HYDIN: variants seen among roughly 807,000 people sequenced by gnomAD.
The protein encoded by HYDIN is axonemal central pair apparatus protein HYDIN.
Under a neutral mutation model 403.9 loss-of-function variants are expected in HYDIN, and 132 were observed. The observed-to-expected ratio is 0.33, with a 90% confidence interval of 0.28 to 0.38. The LOEUF is 0.38. Ranked by LOEUF, HYDIN falls within the 10% of genes least tolerant of loss-of-function variation. The pLI is 1.00. For missense variants in HYDIN, 2,827 were observed against 5,009.5 expected, an observed-to-expected ratio of 0.56 and a Z score of 13.15; for synonymous variants, 1,202 against 1,891.7, an observed-to-expected ratio of 0.64 and a Z score of 9.46.
chr16:71,198,946 T>A (rs768277843), intron 1 of HYDIN, among the ~76,000 whole-genome samples: 2 of 152,214 alleles, frequency 1.3e-5, no homozygotes, highest in Non-Finnish European at 2.9e-5. Flanking sequence ...TATACTCCCA[T>A]CAGCAGTATA....
intron 50 of HYDIN, 138 bp downstream of exon 50, chr16:70,907,234 G>T: frequency 1.7e-6 from 1 of 587,062 alleles, no homozygotes. Flanking sequence ...CAAGAACCCA[G>T]TTCTCCTGAT....
At chr16:70,844,683 AT>A (rs2038076863) in intron 75 of HYDIN, among the ~76,000 whole-genome samples, 1 of 140,440 alleles carries the variant, frequency 7.1e-6, no homozygotes, top group African/African-American at 2.7e-5. Flanking sequence ...TGAGCATGGA[AT>A]GTTCTTCCAT....
intron 45 of HYDIN, among the ~76,000 whole-genome samples, chr16:70,926,895 A>G (rs2077170071): frequency 6.6e-6 from 1 of 152,256 alleles, no homozygotes; most frequent in Non-Finnish European, 1.5e-5. Flanking sequence ...TCACTGAAAA[A>G]AAGACAGCGA....
rs143698316 is a variant in HYDIN at position 71,069,182 on chromosome 16, C to G, written c.1974+85G>C. On this transcript the variant is annotated intron_variant, in intron 14 of 85. Coordinates refer to ENST00000393567, the MANE Select transcript of HYDIN (RefSeq NM_001270974.2). ...CCCCCTCCTGCTGACACTGGACATG[C>G]TAGAGCAAACCCTAGATGAGGGCCC... The G allele has an allele frequency of 7.1e-3, 10,447 of 1,470,696 alleles. 57 individuals carry two copies. Among genetic ancestry groups the G allele is most frequent in the Non-Finnish European group, 8.5e-3 (9,172 of 1,075,550 alleles). 91.1% of individuals were successfully genotyped at this position (1,470,696 alleles called of 1,614,324 possible). A position where few individuals can be genotyped will look rare whatever the true frequency, so the allele number is the denominator to read the frequency against.
chr16:71,002,625 T>TA (rs1343471675), intron 23 of HYDIN, among the ~76,000 whole-genome samples: 18 of 151,478 alleles, frequency 1.2e-4, no homozygotes, highest in Admixed American at 3.9e-4. Context: ...TTCTTCAAAT[T>TA]AAAAAAACTG....
chr16:70,971,070 G>A (rs2078718664), intron 35 of HYDIN, among the ~76,000 whole-genome samples: 1 of 152,162 alleles, frequency 6.6e-6, no homozygotes. Context: ...ATCTTCCAGT[G>A]TGCTCAGACT....
In HYDIN at chr16:70,829,629, G is replaced by A. The variant is rs536900163; in HGVS notation, c.14101C>T (p.Arg4701Cys). 25 of 1,612,830 alleles carry A rather than the reference G, an allele frequency of 1.6e-5. No individual in the cohort carries two copies. Among genetic ancestry groups the A allele is most frequent in the Admixed American group, 6.7e-5 (4 of 59,988 alleles). ...YRPRTMNLEN[R>C]KHQGTLFFPL... ...GGACCTCAGTCTACCTGGTGCTTGC[G>A]GTTCTCCAAGTTCATGGTGCGGGGC... The change falls in exon 81 of 86, where the codon CGC becomes TGC. Residue 4701 changes from arginine (R) to cysteine (C), a missense_variant. Coordinates refer to ENST00000393567, the MANE Select transcript of HYDIN (RefSeq NM_001270974.2).
chr16:70,908,647 G>GC lies in HYDIN; in HGVS notation c.8213+5dup. On this transcript the variant is annotated splice_donor_region_variant and intron_variant, in intron 48 of 85. Transcript: ENST00000393567. ...ATTCCCCTCCCTGGGTTGCTGGAAG[G>GC]CCCACCTGGTGAATTTCTCCTGGGA... is the stretch of plus-strand genomic sequence containing the variant. 3.2e-6 allele frequency: 5 copies of GC among 1,558,384 alleles called. No homozygotes were observed. The South Asian group carries it at 5.8e-5, about 18-fold the overall frequency.
intron 46 of HYDIN, among the ~76,000 whole-genome samples, chr16:70,919,779 G>A (rs2076941852): frequency 1.4e-5 from 2 of 144,136 alleles, no homozygotes; most frequent in Admixed American, 7.0e-5. Flanking sequence ...GAACACCAGA[G>A]GCAGAGGTTG....
chr16:70,949,277 G>A (rs951775565), intron 41 of HYDIN, among the ~76,000 whole-genome samples: 5 of 133,722 alleles, frequency 3.7e-5, no homozygotes, highest in Non-Finnish European at 6.2e-5. Flanking sequence ...ATGGACACAG[G>A]AAGGGGAACA....
intron 40 of HYDIN, among the ~76,000 whole-genome samples, chr16:70,953,338 C>T (rs977868308): frequency 6.6e-6 from 1 of 152,224 alleles, no homozygotes; most frequent in Non-Finnish European, 1.5e-5. Context: ...CCAGAGCTTA[C>T]ATGGGGTCGG....
At chr16:70,956,398 A>C (rs574397521) in intron 39 of HYDIN, among the ~76,000 whole-genome samples, 1 of 152,250 alleles carries the variant, frequency 6.6e-6, no homozygotes, top group Admixed American at 6.5e-5. Context: ...TAAAAAAAGA[A>C]ATAGGTGATG....
In HYDIN at chr16:71,027,804, T is replaced by C. The variant is rs1413622199; in HGVS notation, c.2840A>G (p.Asn947Ser). The change falls in exon 20 of 86, where the codon AAT becomes AGT. Residue 947 changes from asparagine (N) to serine (S), a missense_variant. Physicochemically the swap from Asn to Ser is conservative, Grantham distance 46. Coordinates refer to ENST00000393567, the MANE Select transcript of HYDIN (RefSeq NM_001270974.2). ...GRRIQQLFWM[N>S]DSFRPQAKLS... is the part of the protein sequence containing the mutation. The stretch of plus-strand genomic sequence containing the variant: ...CTTGGCCTGGGGTCGGAAGCTATCA[T>C]TCATCCAGAACAACTGTTGGATCCG... 10 of 958,484 alleles carry C rather than the reference T, an allele frequency of 1.0e-5. No individual in the cohort carries two copies. Among genetic ancestry groups the C allele is most frequent in the Non-Finnish European group, 1.4e-5 (9 of 638,936 alleles). The allele number at this position is 958,484 out of a possible 1,614,324, so 59.4% of individuals were successfully genotyped here.
At chr16:71,121,777 T>G (rs991349317) in intron 9 of HYDIN, among the ~76,000 whole-genome samples, 1 of 149,276 alleles carries the variant, frequency 6.7e-6, no homozygotes, top group African/African-American at 2.5e-5. Context: ...GTCTAGATCC[T>G]TCCAGATCAA....
At chr16:70,815,965 A>G (rs374994240) in intron 84 of HYDIN, among the ~76,000 whole-genome samples, 43 of 148,108 alleles carry the variant, frequency 2.9e-4, no homozygotes, top group South Asian at 6.6e-4. Context: ...AAAAATTAGC[A>G]GGGCGTAGTG....
At position 70,855,329 on chromosome 16, in the gene HYDIN, C is replaced by T. The variant is rs1207004869; in HGVS notation, c.12296-54G>A. On this transcript the variant is annotated intron_variant, in intron 72 of 85. Transcript: ENST00000393567. ...GGGCCTCCTGACTGCCTGCTGGAGT[C>T]TCTCAGCAGACACCGCTTCACAGGC... The T allele has an allele frequency of 4.1e-6, 4 of 975,572 alleles. No homozygotes were observed. The African/African-American group carries it at 7.6e-5, about 18-fold the overall frequency. The allele number at this position is 975,572 out of a possible 1,614,324, so 60.4% of individuals were successfully genotyped here.
At chr16:71,190,386 C>T (rs1373854688) in intron 1 of HYDIN, among the ~76,000 whole-genome samples, 1 of 149,876 alleles carries the variant, frequency 6.7e-6, no homozygotes. Flanking sequence ...TCTTTTAAAT[C>T]TAAATTTAAA....
intron 14 of HYDIN, among the ~76,000 whole-genome samples, chr16:71,068,747 A>C (rs2082358309): frequency 6.6e-6 from 1 of 152,182 alleles, no homozygotes; most frequent in Non-Finnish European, 1.5e-5. Flanking sequence ...CAGGATGAGG[A>C]AGCTGAATTC....
intron 23 of HYDIN, among the ~76,000 whole-genome samples, chr16:71,000,892 T>G (rs1192432972): frequency 1.3e-5 from 2 of 152,240 alleles, no homozygotes; most frequent in Non-Finnish European, 2.9e-5. Flanking sequence ...TCAAATTTAC[T>G]AACAGTATCG....
Sources: gnomAD v4.1 joint callset for allele counts (sites outside exome capture counted in the v4.1 genomes callset) on GRCh38, gnomAD v4.1.1 for gene constraint, MANE v1.5 for transcripts, NCBI Gene and HGNC (gene_info 2026-07-23, HGNC 2026-07-21) for gene names.